Variants in ACACB observed in about 807,000 individuals in gnomAD.
ACACB encodes acetyl-CoA carboxylase 2.
In ACACB, 209 loss-of-function variants were observed where a neutral mutation model predicts 278.8. The observed-to-expected ratio is 0.75, with a 90% CI of 0.67 to 0.84. The LOEUF is 0.84. ACACB is among the 40% of genes least tolerant of loss of function. The probability of loss-of-function intolerance (pLI) is 0.00; values close to 1 mark genes in which losing one functional copy is unlikely to be tolerated. For synonymous variants in ACACB, 1,174 were observed against 1,285.6 expected, an observed-to-expected ratio of 0.91 and a Z score of 1.86; for missense variants, 2,850 against 3,269.0, an observed-to-expected ratio of 0.87 and a Z score of 3.13.
chr12:109,228,275 G>T (rs1565947897), intron 28 of ACACB, among the ~76,000 whole-genome samples: 2 of 151,346 alleles, frequency 1.3e-5, no homozygotes, highest in African/African-American at 2.4e-5. Context: ...GGCAGAGGTT[G>T]CAGTGAGCTG....
chr12:109,185,331 ATGT>A (rs1477040811), intron 11 of ACACB, among the ~76,000 whole-genome samples: 1 of 152,050 alleles, frequency 6.6e-6, no homozygotes, highest in Non-Finnish European at 1.5e-5. Context: ...TTGTTGTGTG[ATGT>A]TGTTTCATAA....
intron 13 of ACACB, among the ~76,000 whole-genome samples, chr12:109,190,721 G>C (rs187478852): frequency 4.6e-5 from 7 of 151,744 alleles, no homozygotes; most frequent in Admixed American, 4.6e-4. Context: ...TCAAACTCCT[G>C]GGCTCAAGCG....
At chr12:109,257,810 A>G (rs147600645) in intron 45 of ACACB, among the ~76,000 whole-genome samples, 87 of 152,290 alleles carry the variant, frequency 5.7e-4, no homozygotes, top group African/African-American at 2.0e-3. Flanking sequence ...GACTCAAGCA[A>G]TCCTCCTGCT....
intron 1 of ACACB, among the ~76,000 whole-genome samples, chr12:109,120,745 G>A (rs565691357): frequency 4.7e-4 from 71 of 152,272 alleles, no homozygotes; most frequent in Non-Finnish European, 2.5e-4. Context: ...CCACACACGT[G>A]TGCCACACAC....
At chr12:109,217,763 A>G (rs983042805) in intron 24 of ACACB, among the ~76,000 whole-genome samples, 1 of 151,922 alleles carries the variant, frequency 6.6e-6, no homozygotes. Context: ...TCACACCACT[A>G]CACTCCAGCC....
At chr12:109,247,822 C>A in intron 40 of ACACB, 119 bp downstream of exon 40, 2 of 780,070 alleles carry the variant, frequency 2.6e-6, no homozygotes, top group African/African-American at 1.7e-5. Flanking sequence ...TGATGGGAAC[C>A]AATGCCTGTT....
At chr12:109,184,086 C>G (rs2044570454) in intron 11 of ACACB, among the ~76,000 whole-genome samples, 1 of 151,370 alleles carries the variant, frequency 6.6e-6, no homozygotes, top group Non-Finnish European at 1.5e-5. Context: ...GGAGTCTCGC[C>G]CTTTCACCCA....
In ACACB at chr12:109,191,715, C is replaced by T. The variant is rs371854014; in HGVS notation, c.2247C>T (p.Asn749=). ...TGGAGACCGAGAGCTTCCAGAACAA[C>T]GACATCGACACCGGGTGGTTGGACT... ...NLLETESFQN[N]DIDTGWLDYL... Residue 749 remains asparagine (N), a synonymous_variant, in exon 14 of 53, where the codon AAC becomes AAT. Transcript: ENST00000338432. 1.2e-5 allele frequency: 19 copies of T among 1,614,058 alleles called. No individual in the cohort carries two copies. The East Asian group carries it at 1.3e-4, about 11-fold the overall frequency.
chr12:109,257,072 G>A (rs761671025), intron 45 of ACACB, among the ~76,000 whole-genome samples: 6 of 152,228 alleles, frequency 3.9e-5, no homozygotes, highest in East Asian at 1.9e-4. Context: ...TCAGGAGTTC[G>A]AGACCAGCCT....
At chr12:109,187,306 A>G (rs990058400) in intron 12 of ACACB, among the ~76,000 whole-genome samples, 2 of 152,202 alleles carry the variant, frequency 1.3e-5, no homozygotes, top group Middle Eastern at 3.4e-3. Context: ...CTTCACTTCT[A>G]TTTAAACTTT....
intron 11 of ACACB, 84 bp downstream of exon 11, chr12:109,180,171 A>C (rs1490178525): frequency 3.5e-6 from 5 of 1,432,938 alleles, no homozygotes; most frequent in Non-Finnish European, 4.8e-6. Context: ...CATCCCGCCC[A>C]TCTCTTGGCC....
chr12:109,246,673 G>A (rs574939935), intron 39 of ACACB, among the ~76,000 whole-genome samples: 22 of 152,220 alleles, frequency 1.4e-4, no homozygotes, highest in Non-Finnish European at 2.6e-4. Flanking sequence ...GCTCCTTAAC[G>A]GGGATAATGA....
intron 31 of ACACB, among the ~76,000 whole-genome samples, chr12:109,235,019 A>G (rs1443197044): frequency 6.6e-6 from 1 of 152,060 alleles, no homozygotes; most frequent in African/African-American, 2.4e-5. Context: ...GGACATTCTC[A>G]TCACTCCATA....
rs2043058271 is a variant in ACACB, at chr12:109,139,858, C to G, written c.453C>G (p.Asp151Glu). Residue 151 changes from aspartate to glutamate, a missense_variant, in exon 2 of 53, where the codon GAC (aspartate) becomes GAG (glutamate). Asp to Glu is a conservative substitution (Grantham distance 45, BLOSUM62 2). Around this residue, in one of 3 missense-constraint regions of ACACB, gnomAD observed 2,265 missense variants for 2,561.3 expected, o/e 0.88. Transcript: ENST00000338432. ...GQQAGSPSKE[D>E]KKQANIKRQL... ...AAGCTGGCTCCCCCTCCAAAGAAGA[C>G]AAGAAGCAGGCAAACATCAAGAGGC... 3.7e-6 allele frequency: 6 copies of G among 1,614,170 alleles called. No individual in the cohort carries two copies. Among genetic ancestry groups the G allele is most frequent in the Non-Finnish European group, 5.1e-6 (6 of 1,180,012 alleles).
intron 1 of ACACB, among the ~76,000 whole-genome samples, chr12:109,137,595 G>A (rs564205824): frequency 6.6e-6 from 1 of 152,056 alleles, no homozygotes; most frequent in African/African-American, 2.4e-5. Context: ...AGGAGGCAGA[G>A]GTTGCAGTGA....
At chr12:109,235,834 CA>C in intron 33 of ACACB, 187 bp downstream of exon 33, 5 of 540,606 alleles carry the variant, frequency 9.2e-6, no homozygotes, top group East Asian at 3.1e-5. Flanking sequence ...CCTGTCTCTA[CA>C]AAAAAATTAA....
chr12:109,139,570 G>A lies in ACACB; in HGVS notation c.165G>A (p.Gly55=), dbSNP rs1565855979. ...QEPFPASDNS[G]ETPQRNGEGH... is the part of the protein sequence containing the mutation. ...CCTTTCCAGCCTCTGATAACTCAGG[G>A]GAGACACCGCAGAGAAATGGGGAGG... The change falls in exon 2 of 53, where the codon GGG becomes GGA. Residue 55 remains glycine, a synonymous_variant. Transcript: ENST00000338432. 1 of 1,614,020 alleles carries A rather than the reference G, an allele frequency of 6.2e-7. No individual in the cohort carries two copies. The highest frequency in any genetic ancestry group is 8.5e-7 in the Non-Finnish European group (1 of 1,180,004).
At chr12:109,116,961 A>G (rs368584463) in intron 1 of ACACB, among the ~76,000 whole-genome samples, 39 of 152,018 alleles carry the variant, frequency 2.6e-4, no homozygotes, top group African/African-American at 9.2e-4. Context: ...AAGTTCCACA[A>G]CGTTTTATAA....
chr12:109,193,031 C>A (rs557587736), intron 15 of ACACB, among the ~76,000 whole-genome samples: 2 of 152,248 alleles, frequency 1.3e-5, no homozygotes, highest in East Asian at 3.9e-4. Flanking sequence ...GCTCTGGTTT[C>A]TTTCATAAGC....
Sources: gnomAD v4.1 joint callset for allele counts (sites outside exome capture counted in the v4.1 genomes callset) on GRCh38, gnomAD v4.1.1 for gene constraint, gnomAD v4.1.1 regional missense constraint, MANE v1.5 for transcripts, NCBI Gene and HGNC (gene_info 2026-07-23, HGNC 2026-07-21) for gene names.